Variants in SPPL2A observed in about 807,000 individuals in gnomAD.
The protein encoded by SPPL2A is signal peptide peptidase-like 2A.
A neutral mutation model predicts 63.8 loss-of-function variants in SPPL2A; 51 were observed. That is an observed-to-expected ratio of 0.80 (90% confidence interval 0.64 to 1.01). The LOEUF (loss-of-function observed/expected upper bound fraction) is 1.01. SPPL2A is among the 50% of genes least tolerant of loss of function. The pLI, the probability that SPPL2A is intolerant of heterozygous loss-of-function variation, is 0.00. For synonymous variants in SPPL2A, 188 were observed against 205.8 expected (o/e 0.91, Z 0.74); for missense variants, 553 against 622.7 (o/e 0.89, Z 1.19).
intron 5 of SPPL2A, among the ~76,000 whole-genome samples, chr15:50,747,256 T>C (rs2062865421): frequency 2.0e-5 from 3 of 152,254 alleles, no homozygotes; most frequent in South Asian, 4.1e-4. Context: ...CATTTTAACT[T>C]AAAAGGGTCT....
At chr15:50,727,734 A>G (rs1315969851) in intron 10 of SPPL2A, among the ~76,000 whole-genome samples, 3 of 152,228 alleles carry the variant, frequency 2.0e-5, no homozygotes, top group African/African-American at 4.8e-5. Context: ...TGCAATATTT[A>G]ATCCTTCAAA....
In SPPL2A at chr15:50,707,231, G is replaced by A. The variant is rs1171380522; in HGVS notation, c.*569C>T. Reference sequence around the variant, plus strand: ...CTTCCCGGGTTCACGCCATTCTCCTGTCTCAGCCTTCCCAGTAGCTGGGAC... The same window carrying A: ...CTTCCCGGGTTCACGCCATTCTCCTATCTCAGCCTTCCCAGTAGCTGGGAC... On this transcript the variant is annotated 3_prime_UTR_variant, in exon 15 of 15. Transcript: ENST00000261854. 6.6e-6 allele frequency: 1 copy of A among 152,214 alleles called. No individual in the cohort carries two copies. The highest frequency in any genetic ancestry group is 2.4e-5 in the African/African-American group (1 of 41,392). The allele number at this position is 152,214 out of a possible 1,614,324, so 9.4% of individuals were successfully genotyped here. A position where few individuals can be genotyped will look rare whatever the true frequency, so the allele number is the denominator to read the frequency against.
At chr15:50,761,802 G>A (rs970077158) in intron 1 of SPPL2A, among the ~76,000 whole-genome samples, 6 of 151,194 alleles carry the variant, frequency 4.0e-5, no homozygotes, top group African/African-American at 1.2e-4. Flanking sequence ...CGGGCATCAC[G>A]ACGTGCACCT....
intron 14 of SPPL2A, among the ~76,000 whole-genome samples, chr15:50,708,393 TA>T (rs1409760109): frequency 2.0e-5 from 3 of 152,076 alleles, no homozygotes; most frequent in African/African-American, 7.2e-5. Context: ...GGTCATATGA[TA>T]TCTGAAAACA....
At position 50,749,702 on chromosome 15, in the gene SPPL2A, T is replaced by C. The variant is rs2062891472; in HGVS notation, c.111A>G (p.Thr37=). 1 of 1,613,838 alleles carries C rather than the reference T, an allele frequency of 6.2e-7. No homozygotes were observed. The highest frequency in any genetic ancestry group is 1.3e-5 in the African/African-American group (1 of 74,930). The change falls in exon 2 of 15, where the codon ACA becomes ACG. Residue 37 remains threonine, a synonymous_variant. Coordinates refer to ENST00000261854, the MANE Select transcript of SPPL2A (RefSeq NM_032802.4). ...EAILHASGNG[T]TKDYCMLYNP... ...TATAAAGCATGCAGTAGTCCTTGGTTGTGCCATTTCCAGACGCATGCAAGA... is the reference window on the plus strand; with the variant it reads ...TATAAAGCATGCAGTAGTCCTTGGTCGTGCCATTTCCAGACGCATGCAAGA...
At chr15:50,722,056 T>G in intron 13 of SPPL2A, 68 bp downstream of exon 13, 2 of 886,304 alleles carry the variant, frequency 2.3e-6, no homozygotes, top group Non-Finnish European at 3.7e-6. Flanking sequence ...TTCTTTATTT[T>G]TAGACCTCTG....
intron 5 of SPPL2A, among the ~76,000 whole-genome samples, chr15:50,746,356 T>C (rs2062857047): frequency 6.8e-6 from 1 of 146,716 alleles, no homozygotes; most frequent in South Asian, 2.1e-4. Context: ...GAGAATCACT[T>C]GAACTGGAGA....
chr15:50,750,882 G>A (rs2062900431), intron 1 of SPPL2A, among the ~76,000 whole-genome samples: 1 of 152,200 alleles, frequency 6.6e-6, no homozygotes, highest in Admixed American at 6.5e-5. Flanking sequence ...AAATGTTGAT[G>A]TACTAAGCTT....
chr15:50,726,007 A>G, intron 11 of SPPL2A: 2 of 1,083,972 alleles, frequency 1.8e-6, no homozygotes, highest in Middle Eastern at 2.3e-4. Context: ...TTTCCCCCAA[A>G]GAAGAGTCTT....
chr15:50,730,005 A>AAAAAAAAAAG (rs2062718430), intron 10 of SPPL2A, among the ~76,000 whole-genome samples: 1 of 151,814 alleles, frequency 6.6e-6, no homozygotes. Context: ...TTAAAAAAAA[A>AAAAAAAAAAG]GAAGGAATGA....
chr15:50,727,631 A>G (rs1259971379), intron 10 of SPPL2A, among the ~76,000 whole-genome samples: 1 of 152,250 alleles, frequency 6.6e-6, no homozygotes, highest in African/African-American at 2.4e-5. Context: ...AAAATGAACA[A>G]GACAGGCTCT....
At chr15:50,709,181 A>G (rs1417961250) in intron 14 of SPPL2A, among the ~76,000 whole-genome samples, 1 of 152,202 alleles carries the variant, frequency 6.6e-6, no homozygotes, top group Non-Finnish European at 1.5e-5. Flanking sequence ...CAACTCAAAT[A>G]CAATTACTAA....
intron 9 of SPPL2A, among the ~76,000 whole-genome samples, chr15:50,731,911 G>A (rs2062733982): frequency 1.0e-5 from 1 of 98,558 alleles, no homozygotes; most frequent in Admixed American, 1.5e-4. Context: ...CTGGGAGACT[G>A]AATGAGACTC....
intron 1 of SPPL2A, among the ~76,000 whole-genome samples, chr15:50,751,303 A>AT (rs1364826006): frequency 6.6e-6 from 1 of 152,126 alleles, no homozygotes; most frequent in Non-Finnish European, 1.5e-5. Context: ...ACTTTCATGC[A>AT]TTTTTTCTGA....
chr15:50,754,331 T>C (rs759287262), intron 1 of SPPL2A, among the ~76,000 whole-genome samples: 2 of 152,202 alleles, frequency 1.3e-5, no homozygotes, highest in Non-Finnish European at 2.9e-5. Flanking sequence ...GTACATCCTA[T>C]GGGTTTTGAT....
At position 50,725,419 on chromosome 15, in the gene SPPL2A, T is replaced by C; in HGVS notation, c.1147-96A>G. 2.8e-6 allele frequency: 2 copies of C among 710,532 alleles called. 1 individual carries two copies. The highest frequency in any genetic ancestry group is 3.5e-5 in the South Asian group (2 of 57,602). The allele number at this position is 710,532 out of a possible 1,614,324, so 44.0% of individuals were successfully genotyped here. On this transcript the variant is annotated intron_variant, in intron 11 of 14. Coordinates refer to ENST00000261854, the MANE Select transcript of SPPL2A (RefSeq NM_032802.4). ...TGGCAATCTTTACTCATATCTTTTA[T>C]TTACTAATTTATTTTTTGGAGACAG...
At chr15:50,736,365 A>C (rs2141039853) in intron 7 of SPPL2A, among the ~76,000 whole-genome samples, 163 bp from the exon 8 acceptor site, 1 of 152,364 alleles carries the variant, frequency 6.6e-6, no homozygotes, top group Non-Finnish European at 1.5e-5. Flanking sequence ...AATGTTTATC[A>C]GTCCAATATA....
intron 5 of SPPL2A, among the ~76,000 whole-genome samples, chr15:50,746,363 G>A (rs1282607789): frequency 6.7e-6 from 1 of 148,858 alleles, no homozygotes; most frequent in Non-Finnish European, 1.5e-5. Flanking sequence ...ACTTGAACTG[G>A]AGAGGCGGAG....
intron 14 of SPPL2A, among the ~76,000 whole-genome samples, chr15:50,717,795 A>G (rs1331568130): frequency 1.3e-5 from 2 of 152,148 alleles, no homozygotes; most frequent in African/African-American, 2.4e-5. Context: ...AAGTCTGGAC[A>G]TAAATTTAAT....
Sources: allele counts gnomAD v4.1 joint callset (sites outside exome capture counted in the v4.1 genomes callset), GRCh38; gene constraint gnomAD v4.1.1; transcripts MANE v1.5; gene names NCBI Gene and HGNC (gene_info 2026-07-23, HGNC 2026-07-21).